Variants in PPP2R5D observed in about 807,000 individuals in gnomAD.
PPP2R5D encodes protein phosphatase 2 regulatory subunit B'delta, also known as serine/threonine-protein phosphatase 2A 56 kDa regulatory subunit delta isoform.
In PPP2R5D, 12 loss-of-function variants were observed where a neutral mutation model predicts 79.1. The observed-to-expected ratio is 0.15, with a 90% CI of 0.10 to 0.25. PPP2R5D has a LOEUF of 0.25. Among genes scored for constraint, PPP2R5D ranks in the 10% least tolerant of loss-of-function variants. PPP2R5D has a pLI of 1.00. For missense variants in PPP2R5D, 419 were observed against 760.2 expected (o/e 0.55, Z 5.28); for synonymous variants, 277 against 286.6 (o/e 0.97, Z 0.34).
chr6:42,997,956 C>T (rs1232182703), intron 2 of PPP2R5D, among the ~76,000 whole-genome samples: 7 of 137,434 alleles, frequency 5.1e-5, no homozygotes, highest in East Asian at 4.4e-4. Context: ...GGGTTACAGA[C>T]GTGAGCCGCC....
intron 2 of PPP2R5D, 76 bp downstream of exon 2, chr6:42,989,764 A>T: frequency 1.4e-6 from 2 of 1,409,488 alleles, no homozygotes; most frequent in Admixed American, 1.9e-5. Context: ...TGGGTAGGGG[A>T]TCCCAGGGGG....
At chr6:42,985,028 C>A (rs982567689) in intron 1 of PPP2R5D, among the ~76,000 whole-genome samples, 1 of 151,992 alleles carries the variant, frequency 6.6e-6, no homozygotes, top group African/African-American at 2.4e-5. Context: ...TCTGTCCCCC[C>A]CATCACCCCT....
intron 1 of PPP2R5D, among the ~76,000 whole-genome samples, chr6:42,985,148 G>A (rs540716373): frequency 6.7e-5 from 10 of 148,736 alleles, no homozygotes; most frequent in Non-Finnish European, 1.5e-4. Context: ...CTTCCTACCC[G>A]CCTGGGACAG....
chr6:42,986,153 G>A (rs1446949106), intron 1 of PPP2R5D, among the ~76,000 whole-genome samples: 2 of 151,988 alleles, frequency 1.3e-5, no homozygotes, highest in African/African-American at 2.4e-5. Context: ...CTCCTCATCC[G>A]TGCCTTTTTC....
At chr6:43,002,864 G>A (rs1307464235) in intron 2 of PPP2R5D, among the ~76,000 whole-genome samples, 1 of 152,336 alleles carries the variant, frequency 6.6e-6, no homozygotes, top group East Asian at 1.9e-4. Flanking sequence ...GAGATGGCAG[G>A]TATGAGGCCA....
In PPP2R5D at chr6:43,009,441, C is replaced by T. The variant is rs2150281534; in HGVS notation, c.1371C>T (p.His457=). 1 of 1,614,122 alleles carries T rather than the reference C, an allele frequency of 6.2e-7. No homozygotes were observed. Residue 457 remains histidine (H), a synonymous_variant, in exon 12 of 16, where the codon CAC becomes CAT. Transcript: ENST00000485511. The surrounding 1 kb of genome is among the most constrained non-coding windows in gnomAD (Gnocchi z 5.6). ...FPALYRNSKS[H]WNKTIHGLIY... ...CACTCTACAGGAACTCCAAGAGCCACTGGAACAAGTAAGGCGCTGGGGTGG... is the reference window on the plus strand; with the variant it reads ...CACTCTACAGGAACTCCAAGAGCCATTGGAACAAGTAAGGCGCTGGGGTGG...
In PPP2R5D at chr6:43,008,462, T is replaced by G. The variant is rs757204813; in HGVS notation, c.1013T>G (p.Val338Gly). The part of the protein sequence containing the change: ...LPLHKVKSLS[V>G]YHPQLAYCVV... ...CTTCACAAGGTCAAGTCCCTGAGTG[T>G]CTACCACCCTCAGGTGAGCTGCCTT... is the stretch of plus-strand genomic sequence containing the variant. The change falls in exon 9 of 16, where the codon GTC becomes GGC. Residue 338 changes from valine (V) to glycine (G), a missense_variant. Coordinates refer to ENST00000485511, the MANE Select transcript of PPP2R5D (RefSeq NM_006245.4). The surrounding 1 kb of genome is among the most constrained non-coding windows in gnomAD (Gnocchi z 4.2). 6.2e-7 allele frequency: 1 copy of G among 1,611,204 alleles called. No homozygotes were observed. The highest frequency in any genetic ancestry group is 8.5e-7 in the Non-Finnish European group (1 of 1,177,304).
intron 2 of PPP2R5D, among the ~76,000 whole-genome samples, chr6:42,995,107 C>T (rs1771550502): frequency 6.9e-6 from 1 of 144,238 alleles, no homozygotes; most frequent in African/African-American, 2.7e-5. Flanking sequence ...GCCTTTGTGT[C>T]CCACCGAACT....
intron 1 of PPP2R5D, among the ~76,000 whole-genome samples, chr6:42,988,226 C>A (rs1770999833): frequency 6.6e-6 from 1 of 152,204 alleles, no homozygotes. Flanking sequence ...ACTGAAGGGG[C>A]TTGGCTGCTA....
intron 2 of PPP2R5D, among the ~76,000 whole-genome samples, chr6:43,000,236 C>CTTTTTTTT (rs1204045076): frequency 0.052 from 5,490 of 105,662 alleles, 564 homozygotes; most frequent in African/African-American, 0.14. Context: ...GTCTGGCCAC[C>CTTTTTTTT]TTTTTTTTTT....
At position 43,006,295 on chromosome 6, in the gene PPP2R5D, G is replaced by T. The variant is rs1762071222; in HGVS notation, c.106-168G>T. ...TGACTTCTTGACTGCTCCCTGCCAG[G>T]GCTACAGCACAGTTATCTCTGTAAC... On this transcript the variant is annotated intron_variant, in intron 2 of 15. Transcript: ENST00000485511. This position sits in a 1 kb window ranked among gnomAD's most constrained non-coding sequence, Gnocchi z 4.7. 6.6e-6 allele frequency among the ~76,000 whole-genome samples: 1 copy of T among 152,186 alleles called. No individual in the cohort carries two copies. The highest frequency in any genetic ancestry group is 1.5e-5 in the Non-Finnish European group (1 of 68,032).
chr6:42,995,340 T>C (rs920632624), intron 2 of PPP2R5D, among the ~76,000 whole-genome samples: 1 of 151,758 alleles, frequency 6.6e-6, no homozygotes, highest in African/African-American at 2.4e-5. Flanking sequence ...ATTATGTTGC[T>C]AAGGCTGGTC....
chr6:43,006,041 G>A lies in PPP2R5D; in HGVS notation c.106-422G>A, dbSNP rs1432676157. Among the ~76,000 whole-genome samples the A allele has an allele frequency of 5.3e-5, 8 of 152,162 alleles. No homozygotes were observed. Among genetic ancestry groups the A allele is most frequent in the Non-Finnish European group, 1.2e-4 (8 of 68,026 alleles). ...CCTTGCAGGTCCAGTCAAGATACAG[G>A]ATGTTTACATTACTCAGAAGGCTCC... On this transcript the variant is annotated intron_variant, in intron 2 of 15. Transcript: ENST00000485511. The surrounding 1 kb of genome is among the most constrained non-coding windows in gnomAD (Gnocchi z 4.7).
intron 2 of PPP2R5D, among the ~76,000 whole-genome samples, chr6:42,995,606 G>A (rs1362131760): frequency 2.0e-5 from 3 of 151,026 alleles, no homozygotes; most frequent in Non-Finnish European, 3.0e-5. Context: ...AGGCTGGAGT[G>A]CAGTGGTGTG....
intron 2 of PPP2R5D, among the ~76,000 whole-genome samples, chr6:42,990,485 T>A (rs1172831622): frequency 6.6e-6 from 1 of 152,164 alleles, no homozygotes; most frequent in Non-Finnish European, 1.5e-5. Flanking sequence ...AAGAGATTGA[T>A]GAGCAAATGT....
chr6:42,997,168 G>T (rs1771757175), intron 2 of PPP2R5D, among the ~76,000 whole-genome samples: 1 of 151,000 alleles, frequency 6.6e-6, no homozygotes, highest in Non-Finnish European at 1.5e-5. Flanking sequence ...GCTAAATTTT[G>T]TATTTTTATT....
chr6:43,004,349 T>G (rs1460836416), intron 2 of PPP2R5D, among the ~76,000 whole-genome samples: 6 of 152,196 alleles, frequency 3.9e-5, no homozygotes, highest in African/African-American at 1.2e-4. Flanking sequence ...TAACTTAGCA[T>G]AGGAAGCAAT....
rs975050540 is a variant in PPP2R5D, at chr6:43,009,715, T to C, written c.1379+266T>C. Among the ~76,000 whole-genome samples the C allele has an allele frequency of 3.9e-5, 6 of 152,218 alleles. No individual in the cohort carries two copies. Among genetic ancestry groups the C allele is most frequent in the African/African-American group, 1.4e-4 (6 of 41,452 alleles). On this transcript the variant is annotated intron_variant, in intron 12 of 15. Transcript: ENST00000485511. The surrounding 1 kb of genome is among the most constrained non-coding windows in gnomAD (Gnocchi z 5.6). Reference sequence around the variant, plus strand: ...ACAGGTCCTATCACAGCTTTGGAGATGTAATTCTATGCAGTGAGAAGCTGA... The same window carrying C: ...ACAGGTCCTATCACAGCTTTGGAGACGTAATTCTATGCAGTGAGAAGCTGA...
At position 43,008,130 on chromosome 6, in the gene PPP2R5D, A is replaced by C. The variant is rs1204455446; in HGVS notation, c.857+65A>C. Reference sequence around the variant, plus strand: ...CTACTGAGGTGGGGTGGGAGCAGGGAGGTGGGGGGACTGTACAGAATGCTG... The same window carrying C: ...CTACTGAGGTGGGGTGGGAGCAGGGCGGTGGGGGGACTGTACAGAATGCTG... On this transcript the variant is annotated intron_variant, in intron 7 of 15. Transcript: ENST00000485511. This position sits in a 1 kb window ranked among gnomAD's most constrained non-coding sequence, Gnocchi z 4.2. The C allele has an allele frequency of 1.9e-6, 3 of 1,613,322 alleles. No individual in the cohort carries two copies. The highest frequency in any genetic ancestry group is 2.5e-6 in the Non-Finnish European group (3 of 1,179,516).
Sources: gnomAD v4.1 joint callset for allele counts (sites outside exome capture counted in the v4.1 genomes callset) on GRCh38, gnomAD v4.1.1 for gene constraint, Gnocchi (gnomAD v3.1) non-coding constraint, MANE v1.5 for transcripts, NCBI Gene and HGNC (gene_info 2026-07-23, HGNC 2026-07-21) for gene names.